The following MAF variants were observed in gnomAD, a reference collection of about 807,000 sequenced individuals.
MAF encodes the protein MAF bZIP transcription factor.
Under a neutral mutation model 22.0 loss-of-function variants are expected in MAF, and 10 were observed. The ratio of observed to expected loss-of-function variants is 0.45; its 90% confidence interval spans 0.28 to 0.77. The LOEUF (loss-of-function observed/expected upper bound fraction) is 0.77. Ranked by LOEUF, MAF falls within the 30% of genes least tolerant of loss-of-function variation. MAF has a pLI of 0.12. For missense variants in MAF, 544 were observed against 548.4 expected, an observed-to-expected ratio of 0.99 and a Z score of 0.08; for synonymous variants, 337 against 255.8, an observed-to-expected ratio of 1.32 and a Z score of -3.03.
At chr16:79,454,311 G>T in the MAF span, among the ~76,000 whole-genome samples, 4 of 152,248 alleles carry the variant, frequency 2.6e-5, no homozygotes, top group East Asian at 7.8e-4. Flanking sequence ...GGGGCATCAG[G>T]GTGAAAGGAC....
the MAF span, among the ~76,000 whole-genome samples, chr16:79,427,059 GAA>G: frequency 6.6e-6 from 1 of 152,218 alleles, no homozygotes; most frequent in Non-Finnish European, 1.5e-5. Context: ...TTGCTGCACC[GAA>G]AAGTCCAGAG....
chr16:79,372,088 T>A, the MAF span, among the ~76,000 whole-genome samples: 18 of 150,236 alleles, frequency 1.2e-4, no homozygotes, highest in Middle Eastern at 3.4e-3. Flanking sequence ...TTTTTTTTTT[T>A]ACCCCAAGTG....
At chr16:79,212,453 A>C in the MAF span, 1 of 254,010 alleles carries the variant, frequency 3.9e-6, no homozygotes. Context: ...GATTATAACA[A>C]ATTTTTCAAA....
the MAF span, among the ~76,000 whole-genome samples, chr16:79,398,488 A>C: frequency 6.6e-6 from 1 of 152,170 alleles, no homozygotes; most frequent in Non-Finnish European, 1.5e-5. Flanking sequence ...CTGCTGCAGA[A>C]GAGGAATGAG....
the MAF span, among the ~76,000 whole-genome samples, chr16:79,395,399 C>A: frequency 3.9e-5 from 6 of 152,128 alleles, no homozygotes; most frequent in African/African-American, 1.4e-4. Context: ...TTCATGTCCA[C>A]CAGAACCTCA....
chr16:79,330,837 A>G, the MAF span, among the ~76,000 whole-genome samples: 2 of 152,214 alleles, frequency 1.3e-5, no homozygotes. Flanking sequence ...CTGGTCACCC[A>G]GTGCCTAGGC....
chr16:79,358,408 C>G, the MAF span, among the ~76,000 whole-genome samples: 1 of 152,132 alleles, frequency 6.6e-6, no homozygotes, highest in Non-Finnish European at 1.5e-5. Context: ...CACTGATCCC[C>G]TAGCTGTGAT....
the MAF span, among the ~76,000 whole-genome samples, chr16:79,467,812 T>A: frequency 6.6e-6 from 1 of 151,808 alleles, no homozygotes; most frequent in Non-Finnish European, 1.5e-5. Flanking sequence ...CTCCACATAC[T>A]AGGCACTTAA....
chr16:79,477,403 AAGG>A, the MAF span, among the ~76,000 whole-genome samples: 2 of 152,176 alleles, frequency 1.3e-5, no homozygotes, highest in Admixed American at 1.3e-4. Flanking sequence ...CAGAATAAAG[AAGG>A]CCAGCCTCCA....
the MAF span, among the ~76,000 whole-genome samples, chr16:79,253,098 C>T: frequency 6.6e-6 from 1 of 152,178 alleles, no homozygotes; most frequent in Non-Finnish European, 1.5e-5. Context: ...CCTATAATTA[C>T]CCGGTCCTCC....
the MAF span, among the ~76,000 whole-genome samples, chr16:79,228,872 G>A: frequency 5.4e-4 from 82 of 151,982 alleles, no homozygotes; most frequent in Non-Finnish European, 8.8e-4. Flanking sequence ...CATGTACATA[G>A]ACTACAGTGA....
the MAF span, among the ~76,000 whole-genome samples, chr16:79,572,363 C>T: frequency 6.6e-6 from 1 of 152,180 alleles, no homozygotes. Context: ...AAATGCCCCT[C>T]CCTTTCTTCC....
the MAF span, among the ~76,000 whole-genome samples, chr16:79,420,998 C>T: frequency 1.7e-4 from 25 of 151,438 alleles, no homozygotes; most frequent in African/African-American, 5.6e-4. Flanking sequence ...CGCACCACTT[C>T]ACTCCAGCCT....
the MAF span, among the ~76,000 whole-genome samples, chr16:79,357,463 AACT>A: frequency 1.3e-5 from 2 of 152,108 alleles, no homozygotes; most frequent in African/African-American, 4.8e-5. Context: ...CAGAAATAAA[AACT>A]AATATACTTT....
the MAF span, among the ~76,000 whole-genome samples, chr16:79,473,060 C>T: frequency 4.3e-3 from 651 of 152,102 alleles, 2 homozygotes; most frequent in African/African-American, 0.014. Flanking sequence ...ATAAGGGGAA[C>T]GAAGAAAAGT....
chr16:79,435,992 C>T, the MAF span, among the ~76,000 whole-genome samples: 2 of 152,206 alleles, frequency 1.3e-5, no homozygotes, highest in Non-Finnish European at 1.5e-5. Context: ...TTTAGGCATG[C>T]GGTTGGAGAA....
At chr16:79,346,779 G>T in the MAF span, among the ~76,000 whole-genome samples, 1 of 152,174 alleles carries the variant, frequency 6.6e-6, no homozygotes, top group East Asian at 1.9e-4. Flanking sequence ...GGGGCATCAC[G>T]TAGAGATCTA....
the MAF span, among the ~76,000 whole-genome samples, chr16:79,568,568 GT>G: frequency 6.6e-6 from 1 of 152,106 alleles, no homozygotes; most frequent in African/African-American, 2.4e-5. Flanking sequence ...TAAACATCAG[GT>G]TTTTTAGTGG....
At chr16:79,316,414 C>T in the MAF span, among the ~76,000 whole-genome samples, 1 of 152,198 alleles carries the variant, frequency 6.6e-6, no homozygotes, top group African/African-American at 2.4e-5. Context: ...AACCTTTCTG[C>T]CTCCTCCCTG....
Sources: allele counts gnomAD v4.1 joint callset (sites outside exome capture counted in the v4.1 genomes callset), GRCh38; gene constraint gnomAD v4.1.1; transcripts MANE v1.5; gene names NCBI Gene and HGNC (gene_info 2026-07-23, HGNC 2026-07-21).